SLIT2: variants seen among roughly 807,000 people sequenced by gnomAD.
SLIT2 encodes the protein slit guidance ligand 2, also known as slit homolog 2 protein.
Under a neutral mutation model 185.7 loss-of-function variants are expected in SLIT2, and 41 were observed. That is an observed-to-expected ratio of 0.22 (90% CI 0.17 to 0.29). The LOEUF is 0.29. Ranked by LOEUF, SLIT2 falls within the 10% of genes least tolerant of loss-of-function variation. The pLI is 1.00. For synonymous variants in SLIT2, 693 were observed against 680.2 expected, an observed-to-expected ratio of 1.02 and a Z score of -0.29; for missense variants, 1,571 against 1,909.0, an observed-to-expected ratio of 0.82 and a Z score of 3.30.
chr4:20,410,117 G>A (rs1365027620), intron 4 of SLIT2, among the ~76,000 whole-genome samples: 1 of 151,790 alleles, frequency 6.6e-6, no homozygotes, highest in Non-Finnish European at 1.5e-5. Context: ...ATTGCTTTTG[G>A]CATCTTCGTC....
intron 4 of SLIT2, among the ~76,000 whole-genome samples, chr4:20,287,086 G>T (rs1715337273): frequency 6.6e-6 from 1 of 152,116 alleles, no homozygotes. Context: ...CCTTCAAGTT[G>T]TCTAAGTGGT....
chr4:20,460,584 T>C (rs1443385010), intron 4 of SLIT2, among the ~76,000 whole-genome samples: 1 of 152,180 alleles, frequency 6.6e-6, no homozygotes, highest in African/African-American at 2.4e-5. Flanking sequence ...ATTCCTCCTG[T>C]GTAATTGTAA....
chr4:20,420,886 A>C (rs2109463229), intron 4 of SLIT2, among the ~76,000 whole-genome samples: 1 of 152,280 alleles, frequency 6.6e-6, no homozygotes, highest in South Asian at 2.1e-4. Flanking sequence ...TACAGCAAGA[A>C]GAAAGCCAGG....
At chr4:20,512,889 A>G (rs548812329) in intron 11 of SLIT2, among the ~76,000 whole-genome samples, 1 of 152,350 alleles carries the variant, frequency 6.6e-6, no homozygotes, top group African/African-American at 2.4e-5. Context: ...GGTTGTGAGA[A>G]TTAAAAGAAA....
chr4:20,441,916 C>G (rs964050984), intron 4 of SLIT2, among the ~76,000 whole-genome samples: 4 of 151,904 alleles, frequency 2.6e-5, no homozygotes, highest in Non-Finnish European at 2.9e-5. Context: ...CAAAATTTAG[C>G]CTAATAAGAG....
chr4:20,377,602 C>T (rs1724133088), intron 4 of SLIT2, among the ~76,000 whole-genome samples: 1 of 152,046 alleles, frequency 6.6e-6, no homozygotes, highest in Non-Finnish European at 1.5e-5. Context: ...TTACTCAGCC[C>T]CTCTGGGCTT....
chr4:20,359,013 A>G (rs1441859816), intron 4 of SLIT2, among the ~76,000 whole-genome samples: 1 of 152,164 alleles, frequency 6.6e-6, no homozygotes, highest in Non-Finnish European at 1.5e-5. Context: ...AACCAGGAAA[A>G]TATCCCAACT....
At chr4:20,597,779 G>C (rs1728102760) in intron 32 of SLIT2, among the ~76,000 whole-genome samples, 1 of 152,132 alleles carries the variant, frequency 6.6e-6, no homozygotes, top group Admixed American at 6.5e-5. Context: ...TGATGTTGGG[G>C]CTTAAGTCTT....
At chr4:20,555,032 G>A (rs1724126730) in intron 26 of SLIT2, among the ~76,000 whole-genome samples, 1 of 151,224 alleles carries the variant, frequency 6.6e-6, no homozygotes, top group Non-Finnish European at 1.5e-5. Context: ...GCCTCCCAAA[G>A]TGCTGGGATT....
At chr4:20,548,707 A>G in intron 23 of SLIT2, 148 bp downstream of exon 23, 1 of 619,798 alleles carries the variant, frequency 1.6e-6, no homozygotes, top group Non-Finnish European at 2.9e-6. Flanking sequence ...CGATACGTGA[A>G]CAATGTAGAC....
intron 16 of SLIT2, among the ~76,000 whole-genome samples, chr4:20,529,764 G>A (rs1409592888): frequency 6.6e-6 from 1 of 152,184 alleles, no homozygotes; most frequent in Non-Finnish European, 1.5e-5. Flanking sequence ...TTTATAAGAA[G>A]AGGACCTTTA....
intron 4 of SLIT2, among the ~76,000 whole-genome samples, chr4:20,452,786 C>T (rs1426178020): frequency 6.6e-6 from 1 of 152,172 alleles, no homozygotes; most frequent in African/African-American, 2.4e-5. Flanking sequence ...CTTGGGAGAG[C>T]AGGCAGCCTG....
At chr4:20,341,401 G>A (rs763671846) in intron 4 of SLIT2, among the ~76,000 whole-genome samples, 3 of 152,184 alleles carry the variant, frequency 2.0e-5, no homozygotes, top group Non-Finnish European at 4.4e-5. Flanking sequence ...CCCACTTACT[G>A]TTTTGTTTAC....
intron 26 of SLIT2, among the ~76,000 whole-genome samples, chr4:20,563,519 TGC>T (rs1724860519): frequency 6.6e-6 from 1 of 151,768 alleles, no homozygotes; most frequent in Non-Finnish European, 1.5e-5. Flanking sequence ...AAATCACAGT[TGC>T]TTTCCCTAAC....
rs1721511357 is a variant in SLIT2 at position 20,528,629 on chromosome 4, A to C, written c.1463-320A>C. 6.6e-6 allele frequency among the ~76,000 whole-genome samples: 1 copy of C among 152,212 alleles called. No individual in the cohort carries two copies. The highest frequency in any genetic ancestry group is 1.5e-5 in the Non-Finnish European group (1 of 68,038). On this transcript the variant is annotated intron_variant, in intron 15 of 36. Coordinates refer to ENST00000504154, the MANE Select transcript of SLIT2 (RefSeq NM_004787.4). The surrounding 1 kb of genome is among the most constrained non-coding windows in gnomAD (Gnocchi z 4.2). Reference sequence around the variant, plus strand: ...AATTCTTGACTCCGAGAAAAAAAATAAACTTTTTAATAATTAATATCCATT... The same window carrying C: ...AATTCTTGACTCCGAGAAAAAAAATCAACTTTTTAATAATTAATATCCATT...
intron 4 of SLIT2, among the ~76,000 whole-genome samples, chr4:20,438,700 T>A (rs10008461): frequency 0.74 from 111,940 of 152,040 alleles, 41,605 homozygotes; most frequent in African/African-American, 0.83. Flanking sequence ...TGCTGTTAAC[T>A]CTCTGATCTC....
intron 4 of SLIT2, among the ~76,000 whole-genome samples, chr4:20,309,785 A>G (rs1415533931): frequency 4.3e-4 from 44 of 101,212 alleles, no homozygotes; most frequent in African/African-American, 1.6e-3. Context: ...TTTGAGATGG[A>G]GTCTTGCTCT....
chr4:20,472,437 GATAT>G (rs1715405031), intron 5 of SLIT2, among the ~76,000 whole-genome samples: 4 of 38,466 alleles, frequency 1.0e-4, no homozygotes, highest in East Asian at 1.0e-3. Context: ...GATATCTATA[GATAT>G]ATATCTATAT....
intron 4 of SLIT2, among the ~76,000 whole-genome samples, chr4:20,337,496 C>T (rs553437175): frequency 6.6e-6 from 1 of 152,270 alleles, no homozygotes; most frequent in African/African-American, 2.4e-5. Flanking sequence ...CCTCCCACAA[C>T]ATGTGGGAAT....
Sources: gnomAD v4.1 joint callset for allele counts (sites outside exome capture counted in the v4.1 genomes callset) on GRCh38, gnomAD v4.1.1 for gene constraint, Gnocchi (gnomAD v3.1) non-coding constraint, MANE v1.5 for transcripts, NCBI Gene and HGNC (gene_info 2026-07-23, HGNC 2026-07-21) for gene names.